Variants in NAV1 observed in about 807,000 individuals in gnomAD.
NAV1 encodes pore membrane and/or filament interacting like protein 3.
A neutral mutation model predicts 175.2 loss-of-function variants in NAV1; 18 were observed. The observed-to-expected ratio is 0.10, with a 90% CI of 0.07 to 0.15. The LOEUF is 0.15. Ranked by LOEUF, NAV1 falls within the 10% of genes least tolerant of loss-of-function variation. NAV1 has a pLI of 1.00. For synonymous variants in NAV1, 897 were observed against 978.7 expected (o/e 0.92, Z 1.56); for missense variants, 1,731 against 2,436.6 (o/e 0.71, Z 6.10).
intron 1 of NAV1, among the ~76,000 whole-genome samples, chr1:201,656,532 C>A (rs1253909913): frequency 6.6e-6 from 1 of 152,024 alleles, no homozygotes; most frequent in African/African-American, 2.4e-5. Flanking sequence ...AGGAAGATAG[C>A]GAATGTTGAG....
At chr1:201,572,633 G>T (rs1666579822) in intron 1 of NAV1, among the ~76,000 whole-genome samples, 1 of 152,044 alleles carries the variant, frequency 6.6e-6, no homozygotes, top group African/African-American at 2.4e-5. Context: ...CTCCCAAAGT[G>T]CTGGGATTAC....
intron 13 of NAV1, 72 bp downstream of exon 17, chr1:201,790,838 G>A: frequency 6.7e-7 from 1 of 1,487,528 alleles, no homozygotes; most frequent in Non-Finnish European, 9.4e-7. Context: ...AGCCAAGGGA[G>A]GAAAACTACC....
intron 1 of NAV1, 133 bp downstream of exon 5, chr1:201,649,558 A>G (rs1669106765): frequency 7.2e-7 from 1 of 1,381,314 alleles, no homozygotes; most frequent in East Asian, 2.5e-5. Context: ...TCAGGCTGTG[A>G]TGGGCATTGC....
At chr1:201,574,108 AT>A (rs1666626134) in intron 1 of NAV1, among the ~76,000 whole-genome samples, 1 of 152,160 alleles carries the variant, frequency 6.6e-6, no homozygotes, top group Non-Finnish European at 1.5e-5. Context: ...AGTTCTATTT[AT>A]AAGCATTTAC....
intron 1 of NAV1, among the ~76,000 whole-genome samples, chr1:201,626,732 G>A (rs892343102): frequency 2.6e-5 from 4 of 152,140 alleles, no homozygotes; most frequent in African/African-American, 9.7e-5. Flanking sequence ...GCATTGGGTG[G>A]GCCTTGGGTT....
chr1:201,674,987 C>T (rs184760670), intron 1 of NAV1, among the ~76,000 whole-genome samples: 23 of 147,900 alleles, frequency 1.6e-4, no homozygotes, highest in Admixed American at 4.1e-4. Context: ...GTGCAGTGAG[C>T]GGAGATCGCG....
At chr1:201,620,520 G>A (rs1422025317), upstream of NAV1, among the ~76,000 whole-genome samples, 4 of 144,474 alleles carry the variant, frequency 2.8e-5, no homozygotes, top group South Asian at 2.2e-4. Flanking sequence ...GTGCAGTGGC[G>A]CAATCTCGGT....
intron 1 of NAV1, among the ~76,000 whole-genome samples, chr1:201,701,620 A>T (rs1463736613): frequency 6.6e-6 from 1 of 152,210 alleles, no homozygotes; most frequent in Non-Finnish European, 1.5e-5. Flanking sequence ...ATTTTAGTTA[A>T]CTTAAATCTA....
intron 3 of NAV1, among the ~76,000 whole-genome samples, chr1:201,741,971 A>G (rs925876742): frequency 4.6e-5 from 7 of 152,154 alleles, no homozygotes; most frequent in African/African-American, 1.7e-4. Flanking sequence ...GGAGCAGGTC[A>G]TGTTACACCT....
At chr1:201,767,456 A>G (rs1329994065) in intron 3 of NAV1, among the ~76,000 whole-genome samples, 1 of 150,924 alleles carries the variant, frequency 6.6e-6, no homozygotes, top group African/African-American at 2.4e-5. Context: ...GCCTCAAAAA[A>G]AATAAAAATA....
At chr1:201,809,042 G>A (rs1033597255) in intron 20 of NAV1, 122 bp from the exon 25 acceptor site, 10 of 1,290,034 alleles carry the variant, frequency 7.8e-6, no homozygotes, top group African/African-American at 4.4e-5. Flanking sequence ...CTACTTTTGA[G>A]TTTGGGACCT....
chr1:201,716,648 G>T (rs1672153060), intron 2 of NAV1, among the ~76,000 whole-genome samples: 1 of 152,208 alleles, frequency 6.6e-6, no homozygotes, highest in African/African-American at 2.4e-5. Flanking sequence ...GGAGGCCGAG[G>T]TGGGAGGATT....
At chr1:201,543,000 A>G (rs1241352473) in intron 1 of NAV1, among the ~76,000 whole-genome samples, 1 of 152,222 alleles carries the variant, frequency 6.6e-6, no homozygotes, top group African/African-American at 2.4e-5. Flanking sequence ...TGCTGAATTT[A>G]TTAGCTCTAG....
At chr1:201,571,563 C>T (rs778644294) in intron 1 of NAV1, among the ~76,000 whole-genome samples, 3 of 152,228 alleles carry the variant, frequency 2.0e-5, no homozygotes, top group South Asian at 2.1e-4. Flanking sequence ...AAGGGGACCA[C>T]AGAGTGAGCA....
chr1:201,733,205 C>A (rs1672943693), intron 3 of NAV1, among the ~76,000 whole-genome samples: 1 of 151,856 alleles, frequency 6.6e-6, no homozygotes, highest in Non-Finnish European at 1.5e-5. Context: ...ATGGTGAAAC[C>A]CCGTCTCTAC....
chr1:201,726,476 C>T (rs573847041), intron 3 of NAV1, among the ~76,000 whole-genome samples: 2 of 151,736 alleles, frequency 1.3e-5, no homozygotes, highest in Admixed American at 1.3e-4. Context: ...ATGATGAAAC[C>T]CCATCTCTAC....
chr1:201,744,597 G>A (rs1417977768), intron 3 of NAV1, among the ~76,000 whole-genome samples: 1 of 152,138 alleles, frequency 6.6e-6, no homozygotes, highest in Non-Finnish European at 1.5e-5. Flanking sequence ...AAGGCAGCAA[G>A]TAACTGTGAT....
intron 2 of NAV1, among the ~76,000 whole-genome samples, chr1:201,591,901 C>T (rs1419236833): frequency 6.6e-6 from 1 of 152,218 alleles, no homozygotes; most frequent in African/African-American, 2.4e-5. Context: ...CTCTTGATTG[C>T]AGCCCCTACT....
intron 1 of NAV1, among the ~76,000 whole-genome samples, chr1:201,676,707 C>T (rs1471509800): frequency 2.0e-5 from 3 of 152,172 alleles, no homozygotes; most frequent in Non-Finnish European, 2.9e-5. Context: ...CTGGCCCTGG[C>T]GAACCTTCCC....
Sources: gnomAD v4.1 joint callset for allele counts (sites outside exome capture counted in the v4.1 genomes callset) on GRCh38, gnomAD v4.1.1 for gene constraint, MANE v1.5 for transcripts, NCBI Gene and HGNC (gene_info 2026-07-23, HGNC 2026-07-21) for gene names.